The following PDZD2 variants were observed in gnomAD, a reference collection of about 807,000 sequenced individuals.
PDZD2 encodes the protein PDZ domain-containing protein 2.
A neutral mutation model predicts 220.7 loss-of-function variants in PDZD2; 90 were observed. The observed-to-expected ratio is 0.41, with a 90% CI of 0.34 to 0.49. The LOEUF is 0.49. PDZD2 is among the 20% of genes least tolerant of loss of function. The pLI is 0.28. For missense variants in PDZD2, 3,174 were observed against 3,608.5 expected (o/e 0.88, Z 3.08); for synonymous variants, 1,375 against 1,450.5 (o/e 0.95, Z 1.18).
intron 1 of PDZD2, among the ~76,000 whole-genome samples, chr5:31,702,449 G>A (rs988370222): frequency 6.6e-6 from 1 of 152,152 alleles, no homozygotes; most frequent in African/African-American, 2.4e-5. Context: ...TATTTTAAAG[G>A]TGCCCATACA....
chr5:31,847,627 C>T, intron 2 of PDZD2: 1 of 628,250 alleles, frequency 1.6e-6, no homozygotes, highest in South Asian at 1.4e-5. Context: ...CTAGGAATGC[C>T]AAGTGGTGGT....
intron 1 of PDZD2, among the ~76,000 whole-genome samples, chr5:31,688,546 G>T (rs925870609): frequency 6.6e-6 from 1 of 152,152 alleles, no homozygotes; most frequent in Non-Finnish European, 1.5e-5. Flanking sequence ...CCAACCCATT[G>T]TCCTACGAGG....
intron 21 of PDZD2, among the ~76,000 whole-genome samples, chr5:32,096,475 G>A (rs758288761): frequency 7.4e-4 from 113 of 152,174 alleles, no homozygotes; most frequent in Non-Finnish European, 1.3e-3. Context: ...CCGCCACCAC[G>A]CCCGGCTAAT....
chr5:32,036,026 G>A lies in PDZD2; in HGVS notation c.1408-1205G>A, dbSNP rs553354040. ...TAGCGTGATCTCGGCTCACTGCAAC[G>A]TCTGCCTCACGAGTTCAATCAGTTC... On this transcript the variant is annotated intron_variant, in intron 6 of 24. Coordinates refer to ENST00000438447, the MANE Select transcript of PDZD2 (RefSeq NM_178140.4). Among the ~76,000 whole-genome samples the A allele has an allele frequency of 1.2e-4, 19 of 152,134 alleles. No homozygotes were observed. The Middle Eastern group carries it at 0.01, about 82-fold the overall frequency.
At chr5:31,929,477 G>T (rs1456361692) in intron 2 of PDZD2, among the ~76,000 whole-genome samples, 1 of 152,222 alleles carries the variant, frequency 6.6e-6, no homozygotes, top group Non-Finnish European at 1.5e-5. Flanking sequence ...TCTGCGGACA[G>T]TGCTAAATGT....
chr5:32,091,402 A>G (rs2111566924), intron 20 of PDZD2, among the ~76,000 whole-genome samples: 1 of 148,664 alleles, frequency 6.7e-6, no homozygotes, highest in East Asian at 2.0e-4. Context: ...CTCCTGCCTC[A>G]GCCTCCTGAG....
At chr5:32,017,419 G>A (rs1006407262) in intron 6 of PDZD2, among the ~76,000 whole-genome samples, 1 of 149,144 alleles carries the variant, frequency 6.7e-6, no homozygotes, top group Non-Finnish European at 1.5e-5. Flanking sequence ...CAGCCTGAGT[G>A]ACAGAGCCAG....
intron 2 of PDZD2, among the ~76,000 whole-genome samples, chr5:31,889,085 A>C (rs866361449): frequency 3.3e-5 from 5 of 152,182 alleles, no homozygotes; most frequent in Non-Finnish European, 7.3e-5. Flanking sequence ...TGATTTATAC[A>C]TTTGTACAGA....
chr5:32,026,647 T>C (rs1321279475), intron 6 of PDZD2, among the ~76,000 whole-genome samples: 1 of 152,224 alleles, frequency 6.6e-6, no homozygotes, highest in Non-Finnish European at 1.5e-5. Context: ...GCAATGAACC[T>C]GGTAGCCAAC....
rs1283464062 is a variant in PDZD2, at chr5:32,092,912, A to T, written c.7733A>T (p.Asp2578Val). ...AATATATTTATATTATTTAGTTTGGATCAACTTCTAGTCTCAGCGGGGGAC... is the reference window on the plus strand; with the variant it reads ...AATATATTTATATTATTTAGTTTGGTTCAACTTCTAGTCTCAGCGGGGGAC... ...PFRRSWSVNLDQLLVSAGDQQ... is the reference protein window; with the variant it reads ...PFRRSWSVNLVQLLVSAGDQQ... The change falls in exon 21 of 25, where the codon GAT becomes GTT. Residue 2578 changes from aspartate to valine, a missense_variant. By Grantham distance (152) the Asp-to-Val change is radical (BLOSUM62 -3). This residue lies in a region of PDZD2 where 631 missense variants were observed against 789.9 expected (regional missense o/e 0.80). Coordinates refer to ENST00000438447, the MANE Select transcript of PDZD2 (RefSeq NM_178140.4). 1.3e-6 allele frequency: 2 copies of T among 1,523,836 alleles called. No individual in the cohort carries two copies. The allele number at this position is 1,523,836 out of a possible 1,614,324, so 94.4% of individuals were successfully genotyped here. A position where few individuals can be genotyped will look rare whatever the true frequency, so the allele number is the denominator to read the frequency against.
chr5:31,865,621 CTTTTTTTT>C lies in PDZD2; in HGVS notation c.476+65920_476+65927del, dbSNP rs776271275. On this transcript the variant is annotated intron_variant, in intron 2 of 24. Transcript: ENST00000438447. ...GCCTGTAATCTGTGTCTACTGGCAA[CTTTTTTTT>C]TTTTTTTTTTTTTTTTTTTTTTGAG... Among the ~76,000 whole-genome samples, 98 of 67,774 alleles carry C rather than the reference CTTTTTTTT, an allele frequency of 1.4e-3. 2 individuals are homozygous for C. The highest frequency in any genetic ancestry group is 1.6e-3 in the Non-Finnish European group (63 of 39,736). 44.5% of individuals were successfully genotyped at this position (67,774 alleles called of 152,430 possible). A position where few individuals can be genotyped will look rare whatever the true frequency, so the allele number is the denominator to read the frequency against.
At chr5:32,075,155 T>C (rs547356506) in intron 18 of PDZD2, among the ~76,000 whole-genome samples, 1 of 152,250 alleles carries the variant, frequency 6.6e-6, no homozygotes, top group South Asian at 2.1e-4. Context: ...ATGAGATCAT[T>C]TGGCCAGAAG....
Position 32,087,950 on chromosome 5 carries a change from C to G in PDZD2, c.4502C>G (p.Pro1501Arg). 6.2e-7 allele frequency: 1 copy of G among 1,614,096 alleles called. No homozygotes were observed. The highest frequency in any genetic ancestry group is 8.5e-7 in the Non-Finnish European group (1 of 1,179,960). ...GCCTACCCACAATGGGCCTCCCAGC[C>G]TTCGGTTTTAGATTCAATTAATCCC... Reference protein sequence around the residue: ...APAYPQWASQPSVLDSINPDK... With the variant: ...APAYPQWASQRSVLDSINPDK... Residue 1501 changes from proline (P) to arginine (R), a missense_variant, in exon 20 of 25, where the codon CCT becomes CGT. Transcript: ENST00000438447. This position sits in a 1 kb window ranked among gnomAD's most constrained non-coding sequence, Gnocchi z 4.0.
At chr5:31,965,722 C>T in intron 2 of PDZD2, among the ~76,000 whole-genome samples, 1 of 152,056 alleles carries the variant, frequency 6.6e-6, no homozygotes, top group East Asian at 1.9e-4. Flanking sequence ...TGGCGAAACC[C>T]CATCTCTACT....
chr5:31,741,225 G>C (rs1750248832), intron 1 of PDZD2, among the ~76,000 whole-genome samples: 2 of 151,554 alleles, frequency 1.3e-5, no homozygotes, highest in South Asian at 2.1e-4. Context: ...ACACACTTCA[G>C]AAAAAGATTG....
chr5:32,007,809 AGCCCCCTCCCTG>A (rs1012628521), intron 5 of PDZD2, among the ~76,000 whole-genome samples: 1 of 152,150 alleles, frequency 6.6e-6, no homozygotes, highest in African/African-American at 2.4e-5. Flanking sequence ...CTAGAGCCCC[AGCCCCCTCCCTG>A]GCCCCTGGCC....
In PDZD2 at chr5:32,074,408, C is replaced by T. The variant is rs1156314110; in HGVS notation, c.3302C>T (p.Thr1101Ile). Residue 1101 changes from threonine (T) to isoleucine (I), a missense_variant, in exon 18 of 25, where the codon ACT (threonine) becomes ATT (isoleucine). Transcript: ENST00000438447. ...VRTDTQSPTN[T>I]GSPSSPQQKS... ...ACAGACACCCAGAGTCCGACGAACA[C>T]TGGGAGCCCCAGTTCCCCCCAGCAG... The T allele has an allele frequency of 6.8e-6, 11 of 1,614,076 alleles. No homozygotes were observed. The highest frequency in any genetic ancestry group is 2.2e-5 in the East Asian group (1 of 44,878).
intron 1 of PDZD2, among the ~76,000 whole-genome samples, chr5:31,764,980 G>A (rs1040925279): frequency 2.0e-5 from 3 of 152,104 alleles, no homozygotes; most frequent in Non-Finnish European, 2.9e-5. Flanking sequence ...GGGAGGCTAA[G>A]GCACGAGAAT....
intron 2 of PDZD2, among the ~76,000 whole-genome samples, chr5:31,839,631 T>C (rs1757149463): frequency 6.6e-6 from 1 of 152,174 alleles, no homozygotes; most frequent in African/African-American, 2.4e-5. Context: ...GCAGATCGCT[T>C]GAGCATTACA....
Sources: allele counts gnomAD v4.1 joint callset (sites outside exome capture counted in the v4.1 genomes callset), GRCh38; gene constraint gnomAD v4.1.1; regional missense constraint gnomAD v4.1.1; non-coding constraint Gnocchi (gnomAD v3.1); transcripts MANE v1.5; gene names NCBI Gene and HGNC (gene_info 2026-07-23, HGNC 2026-07-21).